Variants in PCSK2 observed in about 807,000 individuals in gnomAD.
PCSK2 encodes proprotein convertase subtilisin/kexin type 2, also known as neuroendocrine convertase 2.
Under a neutral mutation model 69.7 loss-of-function variants are expected in PCSK2, and 14 were observed. That is an observed-to-expected ratio of 0.20 (90% CI 0.13 to 0.31). PCSK2 has a LOEUF of 0.31. PCSK2 is among the 10% of genes least tolerant of loss of function. The probability of loss-of-function intolerance (pLI) is 1.00; values close to 1 mark genes in which losing one functional copy is unlikely to be tolerated. For synonymous variants in PCSK2, 307 were observed against 320.7 expected (o/e 0.96, Z 0.46); for missense variants, 544 against 842.5 (o/e 0.65, Z 4.39).
chr20:17,263,150 A>G (rs1987457959), intron 2 of PCSK2: 1 of 984,946 alleles, frequency 1.0e-6, no homozygotes, highest in East Asian at 1.1e-4. Flanking sequence ...AAAGGTAGAA[A>G]CCCAAGGTAC....
chr20:17,381,578 C>T (rs2031088061), intron 5 of PCSK2, among the ~76,000 whole-genome samples: 1 of 152,112 alleles, frequency 6.6e-6, no homozygotes, highest in Admixed American at 6.5e-5. Context: ...GTTTCCCCAT[C>T]TATAATTGTC....
intron 5 of PCSK2, among the ~76,000 whole-genome samples, chr20:17,382,594 C>A (rs1476712576): frequency 1.3e-5 from 2 of 152,122 alleles, no homozygotes; most frequent in African/African-American, 4.8e-5. Flanking sequence ...TTCTGCTAGG[C>A]AATACACCTG....
chr20:17,445,282 T>C (rs1322884809), intron 8 of PCSK2, among the ~76,000 whole-genome samples: 1 of 152,220 alleles, frequency 6.6e-6, no homozygotes, highest in African/African-American at 2.4e-5. Flanking sequence ...CATGAACGTC[T>C]TTCCACAACT....
intron 11 of PCSK2, among the ~76,000 whole-genome samples, chr20:17,470,952 G>A (rs190500011): frequency 1.7e-3 from 263 of 152,320 alleles, no homozygotes; most frequent in Admixed American, 6.3e-3. Flanking sequence ...AGGCAGCACC[G>A]TTGCAGTATT....
Position 17,347,930 on chromosome 20 carries a change from A to AG in PCSK2, c.283-10397_283-10396insG, listed in dbSNP as rs1568612416. ...AAAGAAAGAAAGAAAGGAGAGAGAAAAAAGAGAAAGAAAGAAAGAAAGAAA... is the reference window on the plus strand; with the variant it reads ...AAAGAAAGAAAGAAAGGAGAGAGAAAGAAAGAGAAAGAAAGAAAGAAAGAAA... On this transcript the variant is annotated intron_variant, in intron 2 of 11. Transcript: ENST00000262545. 9.6e-4 allele frequency among the ~76,000 whole-genome samples: 69 copies of AG among 71,694 alleles called. 9 individuals carry two copies. The highest frequency in any genetic ancestry group is 4.0e-3 in the African/African-American group (66 of 16,612). The allele number at this position is 71,694 out of a possible 152,430, so 47.0% of individuals were successfully genotyped here.
intron 2 of PCSK2, among the ~76,000 whole-genome samples, chr20:17,298,235 A>C (rs1988960617): frequency 6.6e-6 from 1 of 152,164 alleles, no homozygotes; most frequent in Admixed American, 6.5e-5. Flanking sequence ...ACTACTTTTC[A>C]ATTTTAATTG....
At chr20:17,345,309 A>C (rs1481977345) in intron 2 of PCSK2, among the ~76,000 whole-genome samples, 1 of 152,208 alleles carries the variant, frequency 6.6e-6, no homozygotes, top group Non-Finnish European at 1.5e-5. Context: ...ATAGCCAGTG[A>C]CATTTATAGT....
chr20:17,321,246 C>T (rs1254646093), intron 2 of PCSK2, among the ~76,000 whole-genome samples: 1 of 152,176 alleles, frequency 6.6e-6, no homozygotes, highest in Non-Finnish European at 1.5e-5. Flanking sequence ...CCAAGTTATC[C>T]TCCCTCAACT....
intron 2 of PCSK2, among the ~76,000 whole-genome samples, chr20:17,293,770 T>C (rs2123070982): frequency 6.6e-6 from 1 of 152,330 alleles, no homozygotes. Context: ...GATATATTTG[T>C]CTATAGTTTC....
At chr20:17,465,852 A>G (rs1278701920) in intron 11 of PCSK2, among the ~76,000 whole-genome samples, 1 of 151,942 alleles carries the variant, frequency 6.6e-6, no homozygotes, top group Admixed American at 6.6e-5. Flanking sequence ...TATTTTTTGT[A>G]GAGACAAAGC....
intron 11 of PCSK2, among the ~76,000 whole-genome samples, chr20:17,480,471 G>A (rs1236515672): frequency 6.6e-6 from 1 of 152,280 alleles, no homozygotes; most frequent in African/African-American, 2.4e-5. Context: ...TTACAGGCGT[G>A]AGCCACTGCG....
intron 1 of PCSK2, among the ~76,000 whole-genome samples, chr20:17,245,148 A>G (rs575450908): frequency 6.6e-6 from 1 of 152,290 alleles, no homozygotes; most frequent in East Asian, 1.9e-4. Flanking sequence ...TCTCACCCTC[A>G]GAGTCTCTGC....
intron 2 of PCSK2, among the ~76,000 whole-genome samples, chr20:17,304,748 T>G (rs1989274062): frequency 6.6e-6 from 1 of 152,186 alleles, no homozygotes; most frequent in Admixed American, 6.6e-5. Context: ...AGCTTATGAT[T>G]CAGTCTCCCC....
At chr20:17,235,204 A>C (rs1212720385) in intron 1 of PCSK2, among the ~76,000 whole-genome samples, 1 of 152,198 alleles carries the variant, frequency 6.6e-6, no homozygotes, top group African/African-American at 2.4e-5. Flanking sequence ...ATTGTCGATA[A>C]AAATAATTGA....
chr20:17,239,775 T>A (rs1177545738), intron 1 of PCSK2, among the ~76,000 whole-genome samples: 1 of 151,396 alleles, frequency 6.6e-6, no homozygotes, highest in African/African-American at 2.4e-5. Flanking sequence ...GCAACTGGGA[T>A]TCAATCTTAC....
intron 8 of PCSK2, among the ~76,000 whole-genome samples, chr20:17,452,339 G>A (rs906171388): frequency 6.6e-6 from 1 of 152,160 alleles, no homozygotes; most frequent in African/African-American, 2.4e-5. Flanking sequence ...TTACCAAGAT[G>A]CTGAGAATAG....
chr20:17,267,316 A>C (rs1987655755), intron 2 of PCSK2, among the ~76,000 whole-genome samples: 1 of 152,184 alleles, frequency 6.6e-6, no homozygotes, highest in Admixed American at 6.5e-5. Flanking sequence ...GCGGGTGTAA[A>C]CCATTCATGA....
chr20:17,404,669 C>T (rs1219148381), intron 5 of PCSK2, among the ~76,000 whole-genome samples: 1 of 152,184 alleles, frequency 6.6e-6, no homozygotes, highest in African/African-American at 2.4e-5. Context: ...CAGGAGAGAA[C>T]GAGGTATGGG....
intron 2 of PCSK2, chr20:17,263,055 C>A (rs1372347909): frequency 1.4e-6 from 1 of 705,844 alleles, no homozygotes; most frequent in Non-Finnish European, 1.7e-6. Flanking sequence ...AGCTGCTATT[C>A]GCTTTCAGGG....
Sources: allele counts gnomAD v4.1 joint callset (sites outside exome capture counted in the v4.1 genomes callset), GRCh38; gene constraint gnomAD v4.1.1; transcripts MANE v1.5; gene names NCBI Gene and HGNC (gene_info 2026-07-23, HGNC 2026-07-21).